Variants in ACSL3 observed in about 807,000 individuals in gnomAD.
ACSL3 encodes acyl-CoA synthetase long chain family member 3.
In ACSL3, 34 loss-of-function variants were observed where a neutral mutation model predicts 84.7. That is an observed-to-expected ratio of 0.40 (90% confidence interval 0.31 to 0.53). The LOEUF (loss-of-function observed/expected upper bound fraction) is 0.53. ACSL3 is among the 20% of genes least tolerant of loss of function. The probability of loss-of-function intolerance (pLI) is 0.48; values close to 1 mark genes in which losing one functional copy is unlikely to be tolerated. For missense variants in ACSL3, 680 were observed against 873.1 expected, an observed-to-expected ratio of 0.78 and a Z score of 2.79; for synonymous variants, 315 against 299.4, an observed-to-expected ratio of 1.05 and a Z score of -0.54.
chr2:222,901,476 T>G (rs1559288365), intron 3 of ACSL3, among the ~76,000 whole-genome samples: 1 of 135,016 alleles, frequency 7.4e-6, no homozygotes. Context: ...ATTTTAAAAT[T>G]AAGACATATA....
At chr2:222,894,249 C>T (rs1347466947) in intron 2 of ACSL3, among the ~76,000 whole-genome samples, 1 of 152,172 alleles carries the variant, frequency 6.6e-6, no homozygotes, top group Non-Finnish European at 1.5e-5. Context: ...CCTGTCTGGT[C>T]TCCTTTTCCT....
At chr2:222,899,898 C>T (rs1696094321) in intron 2 of ACSL3, among the ~76,000 whole-genome samples, 1 of 152,160 alleles carries the variant, frequency 6.6e-6, no homozygotes, top group South Asian at 2.1e-4. Context: ...GTTTTTTAAA[C>T]ATTATTAATT....
At chr2:222,940,535 A>T (rs1459077740) in intron 16 of ACSL3, among the ~76,000 whole-genome samples, 1 of 150,958 alleles carries the variant, frequency 6.6e-6, no homozygotes, top group Non-Finnish European at 1.5e-5. Context: ...ATGAAGTTTC[A>T]GTCAGTGACA....
In ACSL3 at chr2:222,923,930, A is replaced by G. The variant is rs1323791025; in HGVS notation, c.1153-526A>G. On this transcript the variant is annotated intron_variant, in intron 10 of 16. Transcript: ENST00000357430. ...ATACTTCACAGTAATGGACCTAGCA[A>G]GCAAAATGCAGCACAGACAAGGAAA... Among the ~76,000 whole-genome samples, 15 of 152,342 alleles carry G rather than the reference A, an allele frequency of 9.8e-5. No individual in the cohort carries two copies. In the East Asian group the frequency reaches 2.5e-3, roughly 25 times the overall value.
chr2:222,921,644 AG>A (rs1423757794), intron 8 of ACSL3, among the ~76,000 whole-genome samples: 1 of 152,226 alleles, frequency 6.6e-6, no homozygotes, highest in Non-Finnish European at 1.5e-5. Flanking sequence ...TATTTTAAAA[AG>A]TACAGAACTT....
Position 222,908,970 on chromosome 2 carries a change from T to C in ACSL3, c.198T>C (p.Ser66=). 6.2e-7 allele frequency: 1 copy of C among 1,613,660 alleles called. No homozygotes were observed. Among genetic ancestry groups the C allele is most frequent in the Non-Finnish European group, 8.5e-7 (1 of 1,179,800 alleles). ...KAKPVNSKPD[S]AYRSVNSLDG... ...AGCCTGTAAATTCAAAACCTGATTC[T>C]GCATACAGATCTGTTAATAGTTTGG... is the stretch of plus-strand genomic sequence containing the variant. Residue 66 remains serine, a synonymous_variant, in exon 4 of 17, where the codon TCT becomes TCC. Coordinates refer to ENST00000357430, the MANE Select transcript of ACSL3 (RefSeq NM_004457.5).
chr2:222,877,624 A>G (rs1287442047), intron 1 of ACSL3, among the ~76,000 whole-genome samples: 1 of 152,182 alleles, frequency 6.6e-6, no homozygotes, highest in Non-Finnish European at 1.5e-5. Flanking sequence ...TGTTCTTTGC[A>G]TTGATGTTTC....
Position 222,924,539 on chromosome 2 carries a change from C to G in ACSL3, c.1236C>G (p.Ala412=), listed in dbSNP as rs1435506878. ...TTCAACGTAATCTGTTTATTCTGGC[C>G]TATAATTACAAAATGGAACAGATTT... ...SSFQRNLFIL[A]YNYKMEQISK... The change falls in exon 11 of 17, where the codon GCC becomes GCG. Residue 412 remains alanine (A), a synonymous_variant. Transcript: ENST00000357430. 4.3e-6 allele frequency: 7 copies of G among 1,610,668 alleles called. No individual in the cohort carries two copies. Among genetic ancestry groups the G allele is most frequent in the Non-Finnish European group, 5.1e-6 (6 of 1,178,554 alleles).
At chr2:222,920,172 T>A (rs1335542793) in intron 7 of ACSL3, among the ~76,000 whole-genome samples, 1 of 152,150 alleles carries the variant, frequency 6.6e-6, no homozygotes, top group East Asian at 1.9e-4. Context: ...AGAAGGGTGC[T>A]GTGCATTGAA....
intron 1 of ACSL3, among the ~76,000 whole-genome samples, chr2:222,871,177 C>T (rs1695293380): frequency 6.6e-6 from 1 of 152,130 alleles, no homozygotes; most frequent in Non-Finnish European, 1.5e-5. Flanking sequence ...GGAACATTAC[C>T]AAATGCTTTT....
intron 1 of ACSL3, among the ~76,000 whole-genome samples, chr2:222,873,746 C>G (rs1347851686): frequency 6.6e-6 from 1 of 152,046 alleles, no homozygotes; most frequent in African/African-American, 2.4e-5. Flanking sequence ...GTATAATAAT[C>G]TACTATATGT....
intron 13 of ACSL3, among the ~76,000 whole-genome samples, chr2:222,929,870 T>C (rs1696977279): frequency 2.0e-5 from 3 of 152,014 alleles, no homozygotes; most frequent in Admixed American, 2.0e-4. Context: ...AATTTAGGCT[T>C]GGAGTCATTT....
chr2:222,921,496 G>GTT (rs1408214307), intron 8 of ACSL3, 66 bp downstream of exon 8: 75 of 1,432,730 alleles, frequency 5.2e-5, no homozygotes, highest in Non-Finnish European at 6.9e-5. Context: ...TAGCATTTGT[G>GTT]TCATTTTATT....
intron 3 of ACSL3, among the ~76,000 whole-genome samples, chr2:222,903,725 C>G (rs553078196): frequency 1.1e-4 from 16 of 152,216 alleles, no homozygotes; most frequent in Non-Finnish European, 1.6e-4. Flanking sequence ...TGCTTGCTCT[C>G]CTGACTAGAT....
At chr2:222,933,381 C>T in intron 15 of ACSL3, 101 bp downstream of exon 15, 1 of 778,888 alleles carries the variant, frequency 1.3e-6, no homozygotes, top group South Asian at 2.0e-5. Context: ...TCCGAGAACT[C>T]TTCCTATCTG....
intron 3 of ACSL3, 111 bp downstream of exon 3, chr2:222,900,891 T>A (rs761273908): frequency 1.4e-4 from 21 of 152,234 alleles, no homozygotes; most frequent in Admixed American, 5.9e-4. Flanking sequence ...TTGTGTACAT[T>A]AGAATGCAAA....
At position 222,933,407 on chromosome 2, in the gene ACSL3, GCCT is replaced by G. The variant is rs1259677650; in HGVS notation, c.1847+131_1847+133del. On this transcript the variant is annotated intron_variant, in intron 15 of 16. Transcript: ENST00000357430. The stretch of plus-strand genomic sequence containing the variant: ...TTCCTATCTGTTACTTGTGGGAATG[GCCT>G]CCTTCTCATTGCAGCCATTAGCTGA... The G allele has an allele frequency of 2.3e-5, 14 of 614,878 alleles. No homozygotes were observed. The African/African-American group carries it at 2.4e-4, about 11-fold the overall frequency. The allele number at this position is 614,878 out of a possible 1,614,324, so 38.1% of individuals were successfully genotyped here.
chr2:222,911,690 G>A (rs570692471), intron 4 of ACSL3, among the ~76,000 whole-genome samples: 1 of 152,312 alleles, frequency 6.6e-6, no homozygotes, highest in Admixed American at 6.5e-5. Context: ...AAGAAGAAAA[G>A]CTTATGTGGT....
intron 16 of ACSL3, among the ~76,000 whole-genome samples, chr2:222,938,409 C>T (rs544121586): frequency 2.0e-5 from 3 of 152,162 alleles, no homozygotes; most frequent in East Asian, 1.9e-4. Context: ...CCCTTATTTT[C>T]GAAGGACAGG....
Sources: allele counts gnomAD v4.1 joint callset (sites outside exome capture counted in the v4.1 genomes callset), GRCh38; gene constraint gnomAD v4.1.1; transcripts MANE v1.5; gene names NCBI Gene and HGNC (gene_info 2026-07-23, HGNC 2026-07-21).